The following FOLH1 variants were observed in gnomAD, a reference collection of about 807,000 sequenced individuals.
FOLH1 encodes folate hydrolase 1, also known as glutamate carboxypeptidase 2.
Under a neutral mutation model 93.9 loss-of-function variants are expected in FOLH1, and 54 were observed. That is an observed-to-expected ratio of 0.57 (90% confidence interval 0.46 to 0.72). The LOEUF (loss-of-function observed/expected upper bound fraction) is 0.72, where lower values mean the gene tolerates loss of function less well. FOLH1 is among the 30% of genes least tolerant of loss of function. FOLH1 has a pLI of 0.00. For missense variants in FOLH1, 571 were observed against 892.5 expected, an observed-to-expected ratio of 0.64 and a Z score of 4.59; for synonymous variants, 249 against 303.6, an observed-to-expected ratio of 0.82 and a Z score of 1.87.
Position 49,208,284 on chromosome 11 carries a change from C to T in FOLH1, c.118+8G>A. On this transcript the variant is annotated splice_region_variant and intron_variant, in intron 1 of 18. Transcript: ENST00000256999. ...CTCCGAGGTTTGCTCCGCGAGGCGC[C>T]CCCCTACCGAAGAGGAAGCCGAGGA... The T allele has an allele frequency of 6.5e-7, 1 of 1,538,098 alleles. No homozygotes were observed. The highest frequency in any genetic ancestry group is 8.8e-7 in the Non-Finnish European group (1 of 1,135,230).
rs1235911768 is a variant in FOLH1, at chr11:49,167,043, C to A, written c.1372+2152G>T. On this transcript the variant is annotated intron_variant, in intron 12 of 18. Transcript: ENST00000256999. Reference sequence around the variant, plus strand: ...AAAACAACAATAACAACAACAACAACAACAAAAAAAAACAGAAAAAAACTA... The same window carrying A: ...AAAACAACAATAACAACAACAACAAAAACAAAAAAAAACAGAAAAAAACTA... 3.5e-3 allele frequency among the ~76,000 whole-genome samples: 375 copies of A among 108,210 alleles called. 2 individuals are homozygous for A. The highest frequency in any genetic ancestry group is 9.3e-3 in the African/African-American group (354 of 38,150). The allele number at this position is 108,210 out of a possible 152,430, so 71.0% of individuals were successfully genotyped here.
chr11:49,149,053 T>C (rs1290636418), intron 17 of FOLH1, among the ~76,000 whole-genome samples: 7 of 151,948 alleles, frequency 4.6e-5, no homozygotes, highest in South Asian at 4.2e-4. Context: ...TAGGTGGGAA[T>C]TGAACAATGA....
At chr11:49,206,207 G>A (rs778938214) in intron 1 of FOLH1, 35 bp from the exon 2 acceptor site, 4 of 1,608,604 alleles carry the variant, frequency 2.5e-6, no homozygotes, top group Non-Finnish European at 3.4e-6. Context: ...CATGAGATAC[G>A]AGCCTATAGA....
chr11:49,152,048 A>G (rs184485223), intron 17 of FOLH1, among the ~76,000 whole-genome samples: 2,181 of 152,214 alleles, frequency 0.014, 53 homozygotes, highest in African/African-American at 0.05. Flanking sequence ...TTATATTTAC[A>G]ATTTTACAAC....
intron 4 of FOLH1, 45 bp from the exon 5 acceptor site, chr11:49,186,814 A>G: frequency 6.5e-7 from 1 of 1,543,016 alleles, no homozygotes; most frequent in Admixed American, 2.1e-5. Flanking sequence ...ATATAAAACA[A>G]GGAGGTTTTT....
chr11:49,188,375 C>T (rs1194933761), intron 4 of FOLH1, among the ~76,000 whole-genome samples: 1 of 151,538 alleles, frequency 6.6e-6, no homozygotes, highest in Non-Finnish European at 1.5e-5. Context: ...ATCAGCTGGG[C>T]GTGGTGGCAC....
chr11:49,154,928 A>T, intron 15 of FOLH1, among the ~76,000 whole-genome samples: 1 of 152,048 alleles, frequency 6.6e-6, no homozygotes, highest in African/African-American at 2.4e-5. Context: ...TTCCATGGAT[A>T]AATGATTGTC....
At chr11:49,173,290 C>G in intron 10 of FOLH1, 67 bp downstream of exon 10, 4 of 1,488,404 alleles carry the variant, frequency 2.7e-6, no homozygotes, top group Non-Finnish European at 3.6e-6. Context: ...TTTTTATACT[C>G]CCTTTACAGA....
intron 12 of FOLH1, among the ~76,000 whole-genome samples, chr11:49,167,996 T>C (rs1217445297): frequency 6.7e-6 from 1 of 149,494 alleles, no homozygotes; most frequent in Non-Finnish European, 1.5e-5. Flanking sequence ...AATTTACTAA[T>C]ACACTAAAGA....
intron 3 of FOLH1, among the ~76,000 whole-genome samples, chr11:49,197,627 T>C (rs1862760772): frequency 6.6e-6 from 1 of 152,168 alleles, no homozygotes; most frequent in Admixed American, 6.5e-5. Context: ...ACTTGTCTGT[T>C]TTGTGCAGGG....
chr11:49,179,998 C>G (rs547484089), intron 7 of FOLH1, among the ~76,000 whole-genome samples: 7 of 152,252 alleles, frequency 4.6e-5, no homozygotes, highest in African/African-American at 1.7e-4. Flanking sequence ...TTAAAGGTCT[C>G]CCGAGCAGAG....
In FOLH1 at chr11:49,156,953, G is replaced by T. The variant is rs1172578727; in HGVS notation, c.1533-146C>A. ...TAGACATGCAGCAAAAACATGAAAA[G>T]AATATTAATTTTGATCACAAAATAT... On this transcript the variant is annotated intron_variant, in intron 14 of 18. Transcript: ENST00000256999. 1.4e-5 allele frequency: 19 copies of T among 1,384,950 alleles called. No individual in the cohort carries two copies. In the Admixed American group the frequency reaches 4.3e-4, roughly 31 times the overall value. The allele number at this position is 1,384,950 out of a possible 1,614,324, so 85.8% of individuals were successfully genotyped here.
Position 49,173,445 on chromosome 11 carries a change from G to A in FOLH1, c.1137C>T (p.Asp379=), listed in dbSNP as rs1385498486. 6.2e-7 allele frequency: 1 copy of A among 1,609,548 alleles called. No individual in the cohort carries two copies. Among genetic ancestry groups the A allele is most frequent in the Admixed American group, 1.7e-5 (1 of 59,846 alleles). ...GGTCAATACCACCAAACACCCATGAGTCCCGGTGACCTCCCAGAATGACAT... is the reference window on the plus strand; with the variant it reads ...GGTCAATACCACCAAACACCCATGAATCCCGGTGACCTCCCAGAATGACAT... ...DRYVILGGHR[D]SWVFGGIDPQ... The change falls in exon 10 of 19, where the codon GAC becomes GAT. Residue 379 remains aspartate (D), a synonymous_variant. Transcript: ENST00000256999.
chr11:49,153,192 A>G (rs1290625995), intron 17 of FOLH1, among the ~76,000 whole-genome samples: 4 of 151,722 alleles, frequency 2.6e-5, no homozygotes, highest in Non-Finnish European at 4.4e-5. Context: ...TTTTCCTTCC[A>G]TCTTAAAATT....
Position 49,145,845 on chromosome 11 carries a change from C to A in FOLH1, c.*911G>T, listed in dbSNP as rs1223246191. 6.6e-6 allele frequency among the ~76,000 whole-genome samples: 1 copy of A among 151,922 alleles called. No individual in the cohort carries two copies. The highest frequency in any genetic ancestry group is 1.5e-5 in the Non-Finnish European group (1 of 68,016). On this transcript the variant is annotated 3_prime_UTR_variant, in exon 19 of 19. Transcript: ENST00000256999. ...GTATGTTTTCTCTGTCTTGATGGACCCTGAATCCTACCCTCATGTGAATGA... is the reference window on the plus strand; with the variant it reads ...GTATGTTTTCTCTGTCTTGATGGACACTGAATCCTACCCTCATGTGAATGA...
chr11:49,154,603 G>A (rs748205137), intron 15 of FOLH1, 111 bp from the exon 16 acceptor site: 81 of 1,487,728 alleles, frequency 5.4e-5, no homozygotes, highest in Non-Finnish European at 6.9e-5. Context: ...ATCAAGGAAA[G>A]TACTTAAGCA....
intron 4 of FOLH1, among the ~76,000 whole-genome samples, chr11:49,191,979 C>T (rs1862103683): frequency 6.6e-6 from 1 of 152,210 alleles, no homozygotes; most frequent in African/African-American, 2.4e-5. Flanking sequence ...TTTTTTTATA[C>T]ACAGTCTTTT....
At position 49,146,353 on chromosome 11, in the gene FOLH1, G is replaced by A. The variant is rs1855779599; in HGVS notation, c.*403C>T. 6.6e-6 allele frequency among the ~76,000 whole-genome samples: 1 copy of A among 152,320 alleles called. No homozygotes were observed. The highest frequency in any genetic ancestry group is 2.1e-4 in the South Asian group (1 of 4,830). On this transcript the variant is annotated 3_prime_UTR_variant, in exon 19 of 19. Transcript: ENST00000256999. ...CCTCTCAGCCCAGGCTGGCCAGGTA[G>A]GCCGTGAGGCCTCTGGCTTGGGATA...
chr11:49,203,819 G>C (rs761744363), intron 2 of FOLH1, among the ~76,000 whole-genome samples: 5 of 152,172 alleles, frequency 3.3e-5, no homozygotes, highest in Non-Finnish European at 5.9e-5. Flanking sequence ...AAGTCAGGAG[G>C]GGGCTCTCCC....
Sources: gnomAD v4.1 joint callset for allele counts (sites outside exome capture counted in the v4.1 genomes callset) on GRCh38, gnomAD v4.1.1 for gene constraint, MANE v1.5 for transcripts, NCBI Gene and HGNC (gene_info 2026-07-23, HGNC 2026-07-21) for gene names.